The following CDH18 variants were observed in gnomAD, a reference collection of about 807,000 sequenced individuals.
The protein encoded by CDH18 is cadherin 18.
CDH18 carries 31 observed loss-of-function variants against 67.9 expected under a neutral mutation model. The observed-to-expected ratio is 0.46, with a 90% CI of 0.34 to 0.62. CDH18 has a LOEUF of 0.62. CDH18 is among the 20% of genes least tolerant of loss of function. CDH18 has a pLI of 0.01. For missense variants in CDH18, 890 were observed against 975.5 expected, an observed-to-expected ratio of 0.91 and a Z score of 1.17; for synonymous variants, 362 against 347.2, an observed-to-expected ratio of 1.04 and a Z score of -0.48.
At chr5:19,657,551 A>T (rs1211125386) in intron 5 of CDH18, among the ~76,000 whole-genome samples, 1 of 152,152 alleles carries the variant, frequency 6.6e-6, no homozygotes, top group Non-Finnish European at 1.5e-5. Flanking sequence ...ATAGGTTTAT[A>T]CAGTTGCTGT....
In CDH18 at chr5:20,267,344, T is replaced by G. The variant is rs139305916; in HGVS notation, c.-579-11839A>C. On this transcript the variant is annotated intron_variant, in intron 1 of 14. Transcript: ENST00000507958. ...TGTTTGGGTTACTAGAGCCTTGTAA[T>G]ATAATCTGAAGTCAGGCAATGTGAT... Among the ~76,000 whole-genome samples, 1,311 of 152,332 alleles carry G rather than the reference T, an allele frequency of 8.6e-3. 13 individuals carry two copies. The highest frequency in any genetic ancestry group is 0.014 in the Non-Finnish European group (949 of 68,024).
intron 2 of CDH18, among the ~76,000 whole-genome samples, chr5:19,912,049 T>A (rs1791203809): frequency 6.6e-6 from 1 of 152,064 alleles, no homozygotes; most frequent in Non-Finnish European, 1.5e-5. Context: ...TAAGGAGTCA[T>A]CTAGGTTACA....
At chr5:20,476,224 T>A (rs898560636) in intron 1 of CDH18, among the ~76,000 whole-genome samples, 1 of 152,140 alleles carries the variant, frequency 6.6e-6, no homozygotes. Flanking sequence ...ATAGTAAGCA[T>A]AGTACCAGGC....
intron 1 of CDH18, among the ~76,000 whole-genome samples, chr5:20,433,866 A>G (rs1042935874): frequency 1.3e-4 from 20 of 152,230 alleles, no homozygotes; most frequent in African/African-American, 3.8e-4. Context: ...AGTCAAAATT[A>G]TGTTAGAGAG....
chr5:20,394,813 C>A (rs777061900), intron 1 of CDH18, among the ~76,000 whole-genome samples: 2 of 151,474 alleles, frequency 1.3e-5, no homozygotes, highest in Non-Finnish European at 2.9e-5. Context: ...ATACAAATGG[C>A]CAACAAACAT....
chr5:19,752,873 C>T (rs1771041220), intron 3 of CDH18, among the ~76,000 whole-genome samples: 1 of 152,164 alleles, frequency 6.6e-6, no homozygotes. Flanking sequence ...CAGACAACAC[C>T]CAGTATTAGC....
chr5:20,126,063 G>C (rs141636640), intron 2 of CDH18, among the ~76,000 whole-genome samples: 1 of 152,218 alleles, frequency 6.6e-6, no homozygotes, highest in East Asian at 1.9e-4. Context: ...ATTTCAAAAC[G>C]AATGACATAG....
chr5:20,494,056 C>G (rs565744179), intron 1 of CDH18, among the ~76,000 whole-genome samples: 1 of 151,988 alleles, frequency 6.6e-6, no homozygotes, highest in East Asian at 1.9e-4. Context: ...TTAAGACCAG[C>G]CTGGCCAACA....
intron 2 of CDH18, among the ~76,000 whole-genome samples, chr5:20,207,318 A>G (rs116409976): frequency 0.015 from 2,290 of 152,132 alleles, 30 homozygotes; most frequent in South Asian, 0.029. Context: ...TAAAACACCA[A>G]TGAAAGAAAT....
chr5:20,006,113 G>T (rs761026163), intron 2 of CDH18, among the ~76,000 whole-genome samples: 11 of 151,894 alleles, frequency 7.2e-5, no homozygotes, highest in Non-Finnish European at 1.3e-4. Flanking sequence ...ATGGAAGGGG[G>T]TAAGTATATA....
At chr5:19,859,924 A>G (rs1784698548) in intron 2 of CDH18, among the ~76,000 whole-genome samples, 2 of 151,150 alleles carry the variant, frequency 1.3e-5, no homozygotes, top group Non-Finnish European at 2.9e-5. Flanking sequence ...TCTTTGTCAC[A>G]CCATAAACAT....
chr5:19,751,792 G>A (rs971840144), intron 3 of CDH18, among the ~76,000 whole-genome samples: 1 of 152,168 alleles, frequency 6.6e-6, no homozygotes, highest in Admixed American at 6.5e-5. Flanking sequence ...GTTAAATAAA[G>A]TTTTATTTTT....
intron 2 of CDH18, among the ~76,000 whole-genome samples, chr5:20,192,370 T>C (rs1209692593): frequency 6.6e-6 from 1 of 152,158 alleles, no homozygotes; most frequent in African/African-American, 2.4e-5. Context: ...ATCCCCTTTG[T>C]CAATTTGGCT....
chr5:19,938,188 A>G (rs1794475158), intron 2 of CDH18, among the ~76,000 whole-genome samples: 1 of 150,898 alleles, frequency 6.6e-6, no homozygotes, highest in Admixed American at 6.6e-5. Context: ...GTTTCATGGA[A>G]ACTTGTGAAA....
At chr5:20,308,208 A>C (rs1736655392) in intron 1 of CDH18, among the ~76,000 whole-genome samples, 1 of 151,478 alleles carries the variant, frequency 6.6e-6, no homozygotes. Flanking sequence ...TACTTCTAAA[A>C]CATTTTTGTT....
At chr5:20,337,075 A>G (rs951284415) in intron 1 of CDH18, among the ~76,000 whole-genome samples, 3 of 152,154 alleles carry the variant, frequency 2.0e-5, no homozygotes, top group Admixed American at 2.0e-4. Context: ...ACTCAGCCCC[A>G]TTTCTGGAAA....
chr5:19,998,914 G>A (rs2150397884), intron 2 of CDH18, among the ~76,000 whole-genome samples: 1 of 151,882 alleles, frequency 6.6e-6, no homozygotes, highest in East Asian at 1.9e-4. Flanking sequence ...CAGCCTGGCA[G>A]TAAATGAAAA....
chr5:19,828,486 A>G (rs753248927), intron 3 of CDH18, among the ~76,000 whole-genome samples: 3 of 151,768 alleles, frequency 2.0e-5, no homozygotes, highest in African/African-American at 4.8e-5. Context: ...AACTTTTTAC[A>G]TTCAAAAAAT....
intron 4 of CDH18, among the ~76,000 whole-genome samples, chr5:19,738,045 A>G (rs1268247882): frequency 6.6e-6 from 1 of 152,170 alleles, no homozygotes; most frequent in Non-Finnish European, 1.5e-5. Context: ...TATAGAAAAA[A>G]TGTCACATTT....
Sources: allele counts gnomAD v4.1 joint callset (sites outside exome capture counted in the v4.1 genomes callset), GRCh38; gene constraint gnomAD v4.1.1; transcripts MANE v1.5; gene names NCBI Gene and HGNC (gene_info 2026-07-23, HGNC 2026-07-21).